RABGAP1L: variants seen among roughly 807,000 people sequenced by gnomAD.
The protein encoded by RABGAP1L is rab GTPase-activating protein 1-like.
Under a neutral mutation model 137.7 loss-of-function variants are expected in RABGAP1L, and 63 were observed. That is an observed-to-expected ratio of 0.46 (90% confidence interval 0.37 to 0.56). The LOEUF is 0.56. Among genes scored for constraint, RABGAP1L ranks in the 20% least tolerant of loss-of-function variants. The pLI is 0.00. For missense variants in RABGAP1L, 1,095 were observed against 1,244.0 expected, an observed-to-expected ratio of 0.88 and a Z score of 1.80; for synonymous variants, 431 against 433.7, an observed-to-expected ratio of 0.99 and a Z score of 0.08.
Position 174,856,783 on chromosome 1 carries a change from C to T in RABGAP1L, c.2340+44823C>T, listed in dbSNP as rs144399700. On this transcript the variant is annotated intron_variant, in intron 19 of 25. Coordinates refer to ENST00000681986, the MANE Select transcript of RABGAP1L (RefSeq NM_001366446.1). ...CTGTACTAAAAATACTAAAATTAGCCGGGCGTGCTGGTGCGCACCTGTAAT... is the reference window on the plus strand; with the variant it reads ...CTGTACTAAAAATACTAAAATTAGCTGGGCGTGCTGGTGCGCACCTGTAAT... Among the ~76,000 whole-genome samples, 421 of 151,984 alleles carry T rather than the reference C, an allele frequency of 2.8e-3. 4 individuals are homozygous for T. The highest frequency in any genetic ancestry group is 8.3e-3 in the African/African-American group (345 of 41,456).
At chr1:174,555,907 AAAAG>A (rs1666848698) in intron 13 of RABGAP1L, among the ~76,000 whole-genome samples, 1 of 152,042 alleles carries the variant, frequency 6.6e-6, no homozygotes, top group African/African-American at 2.4e-5. Flanking sequence ...GAATGGTTAG[AAAAG>A]AAAGGTATTA....
At chr1:174,162,777 G>GTTTTTTTTTTTTTTTTTTTTT (rs67811794) in intron 1 of RABGAP1L, among the ~76,000 whole-genome samples, 2 of 51,556 alleles carry the variant, frequency 3.9e-5, no homozygotes, top group Non-Finnish European at 3.3e-5. Flanking sequence ...TTCTCTTTCT[G>GTTTTTTTTTTTTTTTTTTTTT]TTTTTTTTTT....
chr1:174,272,572 T>C, intron 8 of RABGAP1L, 92 bp downstream of exon 8: 1 of 1,381,300 alleles, frequency 7.2e-7, no homozygotes, highest in African/African-American at 1.5e-5. Flanking sequence ...TGTCATATTG[T>C]CAAAATTATT....
chr1:174,528,082 A>G (rs989371455), intron 13 of RABGAP1L, among the ~76,000 whole-genome samples: 6 of 151,630 alleles, frequency 4.0e-5, no homozygotes, highest in Non-Finnish European at 5.9e-5. Flanking sequence ...TAGTTAAGTC[A>G]TTTTTTTAAT....
intron 13 of RABGAP1L, among the ~76,000 whole-genome samples, chr1:174,403,761 T>C (rs1015778960): frequency 6.6e-6 from 1 of 151,908 alleles, no homozygotes; most frequent in Non-Finnish European, 1.5e-5. Flanking sequence ...TAGCTGATTA[T>C]ACTGAAATAC....
chr1:174,445,655 G>A (rs1571847805), intron 13 of RABGAP1L, among the ~76,000 whole-genome samples: 1 of 152,074 alleles, frequency 6.6e-6, no homozygotes, highest in Non-Finnish European at 1.5e-5. Context: ...GAAGTTAGTA[G>A]TCATATCACT....
At chr1:174,349,052 G>GGGT (rs1682754739) in intron 11 of RABGAP1L, among the ~76,000 whole-genome samples, 2 of 135,480 alleles carry the variant, frequency 1.5e-5, no homozygotes, top group South Asian at 5.0e-4. Context: ...GGCGGGGGGG[G>GGGT]GGCTGACCCC....
At chr1:174,409,964 T>C (rs1465357879) in intron 13 of RABGAP1L, among the ~76,000 whole-genome samples, 2 of 152,224 alleles carry the variant, frequency 1.3e-5, no homozygotes, top group East Asian at 3.8e-4. Context: ...TGATCTTTGC[T>C]TTGCCCTTTG....
At chr1:174,174,224 AC>A (rs1665653170) in intron 1 of RABGAP1L, among the ~76,000 whole-genome samples, 1 of 133,134 alleles carries the variant, frequency 7.5e-6, no homozygotes, top group Non-Finnish European at 1.6e-5. Context: ...ACACACACAC[AC>A]ACACACACAA....
chr1:174,326,738 A>G (rs548797289), intron 11 of RABGAP1L, among the ~76,000 whole-genome samples: 1 of 152,372 alleles, frequency 6.6e-6, no homozygotes, highest in African/African-American at 2.4e-5. Flanking sequence ...TAACCCAAAT[A>G]AAACAACTAT....
chr1:174,600,829 G>T (rs1235469501), intron 13 of RABGAP1L, among the ~76,000 whole-genome samples: 3 of 152,128 alleles, frequency 2.0e-5, no homozygotes, highest in Non-Finnish European at 4.4e-5. Context: ...ACCATTCTGG[G>T]GTCTGGAGTA....
At chr1:174,443,553 G>T (rs1654394011) in intron 13 of RABGAP1L, among the ~76,000 whole-genome samples, 3 of 151,822 alleles carry the variant, frequency 2.0e-5, no homozygotes, top group Non-Finnish European at 4.4e-5. Flanking sequence ...ATCTTTTGCT[G>T]ACTTTTTAAT....
chr1:174,192,772 TAGG>T lies in RABGAP1L; in HGVS notation c.-33-26350_-33-26348del, dbSNP rs1424119895. Among the ~76,000 whole-genome samples, 8 of 151,992 alleles carry T rather than the reference TAGG, an allele frequency of 5.3e-5. No homozygotes were observed. In the East Asian group the frequency reaches 1.2e-3, roughly 22 times the overall value. ...AAAAGTGAAAGCCCCCACATGAAAATAGGAGAACAAAGGAATAGGTTTTTTGCC... is the reference window on the plus strand; with the variant it reads ...AAAAGTGAAAGCCCCCACATGAAAATAGAACAAAGGAATAGGTTTTTTGCC... On this transcript the variant is annotated intron_variant, in intron 1 of 25. Coordinates refer to ENST00000681986, the MANE Select transcript of RABGAP1L (RefSeq NM_001366446.1).
intron 15 of RABGAP1L, among the ~76,000 whole-genome samples, chr1:174,693,134 A>T (rs1678994530): frequency 6.6e-6 from 1 of 152,208 alleles, no homozygotes; most frequent in African/African-American, 2.4e-5. Flanking sequence ...AAACCAAAAT[A>T]TAGTTGTCCC....
chr1:174,215,138 A>G (rs556742950), intron 1 of RABGAP1L, among the ~76,000 whole-genome samples: 10 of 152,186 alleles, frequency 6.6e-5, no homozygotes, highest in African/African-American at 2.4e-4. Flanking sequence ...AAACAACTCT[A>G]TAGGAAAAAG....
Position 174,312,077 on chromosome 1 carries a change from A to G in RABGAP1L, c.1465+6950A>G, listed in dbSNP as rs1467235651. Among the ~76,000 whole-genome samples the G allele has an allele frequency of 3.3e-5, 5 of 152,204 alleles. No homozygotes were observed. In the South Asian group the frequency reaches 6.2e-4, roughly 19 times the overall value. On this transcript the variant is annotated intron_variant, in intron 11 of 25. Transcript: ENST00000681986. ...ACAGGAGTACACATATCTTTTTGCTACACTGATTTCCTTTCTTGTTGGAAA... is the reference window on the plus strand; with the variant it reads ...ACAGGAGTACACATATCTTTTTGCTGCACTGATTTCCTTTCTTGTTGGAAA...
chr1:174,622,639 G>T (rs1387935199), intron 13 of RABGAP1L, among the ~76,000 whole-genome samples: 1 of 152,172 alleles, frequency 6.6e-6, no homozygotes, highest in African/African-American at 2.4e-5. Flanking sequence ...TCACTCATAG[G>T]TGGGAATTGA....
chr1:174,538,066 C>T (rs1427975495), intron 13 of RABGAP1L, among the ~76,000 whole-genome samples: 1 of 152,148 alleles, frequency 6.6e-6, no homozygotes, highest in Non-Finnish European at 1.5e-5. Context: ...TACAATCTGC[C>T]CTGAACCTCC....
chr1:174,608,433 A>G (rs897192872), intron 13 of RABGAP1L, among the ~76,000 whole-genome samples: 1 of 152,216 alleles, frequency 6.6e-6, no homozygotes, highest in South Asian at 2.1e-4. Flanking sequence ...AAAGTATTAT[A>G]TAAGTATATA....
Sources: allele counts gnomAD v4.1 joint callset (sites outside exome capture counted in the v4.1 genomes callset), GRCh38; gene constraint gnomAD v4.1.1; transcripts MANE v1.5; gene names NCBI Gene and HGNC (gene_info 2026-07-23, HGNC 2026-07-21).